XIAP: variants seen among roughly 807,000 people sequenced by gnomAD.
XIAP encodes X-linked inhibitor of apoptosis, also known as E3 ubiquitin-protein ligase XIAP.
Under a neutral mutation model 33.1 loss-of-function variants are expected in XIAP, and 3 were observed. The ratio of observed to expected loss-of-function variants is 0.09; its 90% confidence interval spans 0.04 to 0.23. The LOEUF is 0.23. Among genes scored for constraint, XIAP ranks in the 10% least tolerant of loss-of-function variants. The pLI is 1.00. For synonymous variants in XIAP, 98 were observed against 121.3 expected, an observed-to-expected ratio of 0.81 and a Z score of 1.26; for missense variants, 264 against 363.0, an observed-to-expected ratio of 0.73 and a Z score of 2.22.
intron 1 of XIAP, chrX:123,873,065 G>A (rs1485685276): frequency 2.8e-5 from 3 of 106,174 alleles, no homozygotes; most frequent in Non-Finnish European, 5.8e-5. Context: ...AAATTTCGCT[G>A]TTGTTGCCCA....
intron 1 of XIAP, among the ~76,000 whole-genome samples, chrX:123,865,431 A>G (rs2053125794): frequency 9.0e-6 from 1 of 111,151 alleles, no homozygotes; most frequent in Non-Finnish European, 1.9e-5. Context: ...TCAAAACATA[A>G]AAAGGGTATT....
At chrX:123,865,921 AT>A (rs766703100) in intron 1 of XIAP, among the ~76,000 whole-genome samples, 1,647 of 99,219 alleles carry the variant, frequency 0.017, 20 homozygotes, top group Non-Finnish European at 0.025. Context: ...CACCTGGCTA[AT>A]TTTTTTTTTT....
chrX:123,881,777 A>T lies in XIAP; in HGVS notation c.-32-3854A>T, dbSNP rs750258705. Among the ~76,000 whole-genome samples the T allele has an allele frequency of 1.7e-4, 18 of 103,634 alleles. No homozygotes were observed. The East Asian group carries it at 4.8e-3, about 28-fold the overall frequency. 90.0% of individuals were successfully genotyped at this position (103,634 alleles called of 115,157 possible). A position where few individuals can be genotyped will look rare whatever the true frequency, so the allele number is the denominator to read the frequency against. On this transcript the variant is annotated intron_variant, in intron 1 of 6. Coordinates refer to ENST00000371199, the MANE Select transcript of XIAP (RefSeq NM_001167.4). The stretch of plus-strand genomic sequence containing the variant: ...TTCTATTTTTTTTTTTTTTTTTGAG[A>T]CAGAGTCTCACTCTATCACCCAGGC...
At chrX:123,906,051 G>A (rs2053553594) in intron 6 of XIAP, among the ~76,000 whole-genome samples, 1 of 112,826 alleles carries the variant, frequency 8.9e-6, no homozygotes, top group African/African-American at 3.2e-5. Context: ...CAAAGGTATA[G>A]TTAAAATATG....
chrX:123,884,269 A>C (rs1401652112), intron 1 of XIAP, among the ~76,000 whole-genome samples: 1 of 111,725 alleles, frequency 9.0e-6, no homozygotes, highest in African/African-American at 3.3e-5. Flanking sequence ...AGATCACCTG[A>C]GGTCAGGAGT....
intron 1 of XIAP, among the ~76,000 whole-genome samples, chrX:123,883,541 G>T (rs1162042209): frequency 4.0e-5 from 4 of 100,076 alleles, no homozygotes; most frequent in Non-Finnish European, 8.0e-5. Flanking sequence ...TTGTTGCCCA[G>T]GCTGGAGTGC....
chrX:123,898,735 A>G lies in XIAP; in HGVS notation c.1100-1758A>G, dbSNP rs1196128182. On this transcript the variant is annotated intron_variant, in intron 5 of 6. Coordinates refer to ENST00000371199, the MANE Select transcript of XIAP (RefSeq NM_001167.4). ...GGTTTCAAACTCCAGGCCTCAAGGA[A>G]TCCCCCTTGGCCTCCCCAAAGTGCT... is the stretch of plus-strand genomic sequence containing the variant. 8.4e-5 allele frequency among the ~76,000 whole-genome samples: 9 copies of G among 106,721 alleles called. 1 individual carries two copies. Among genetic ancestry groups the G allele is most frequent in the Admixed American group, 5.1e-4 (5 of 9,824 alleles). 92.7% of individuals were successfully genotyped at this position (106,721 alleles called of 115,157 possible). A position where few individuals can be genotyped will look rare whatever the true frequency, so the allele number is the denominator to read the frequency against.
In XIAP at chrX:123,890,940, C is replaced by CA. The variant is rs150056280; in HGVS notation, c.978-283dup. Among the ~76,000 whole-genome samples the CA allele has an allele frequency of 4.7e-3, 364 of 78,057 alleles. 2 individuals are homozygous for CA. Among genetic ancestry groups the CA allele is most frequent in the African/African-American group, 0.011 (233 of 21,272 alleles). 67.8% of individuals were successfully genotyped at this position (78,057 alleles called of 115,157 possible). A position where few individuals can be genotyped will look rare whatever the true frequency, so the allele number is the denominator to read the frequency against. ...TGGGTGACAGAGCGAGACTCTGTCTCAAAAAAAAAAAAAAATAACAAAAGT... is the reference window on the plus strand; with the variant it reads ...TGGGTGACAGAGCGAGACTCTGTCTCAAAAAAAAAAAAAAAATAACAAAAGT... On this transcript the variant is annotated intron_variant, in intron 3 of 6. Transcript: ENST00000371199.
chrX:123,912,584 A>G lies in XIAP; in HGVS notation c.*5403A>G, dbSNP rs1247339867. 1.5e-5 allele frequency: 5 copies of G among 325,562 alleles called. No individual in the cohort carries two copies. Among genetic ancestry groups the G allele is most frequent in the Non-Finnish European group, 3.0e-5 (5 of 168,854 alleles). 26.8% of individuals were successfully genotyped at this position (325,562 alleles called of 1,213,427 possible). A position where few individuals can be genotyped will look rare whatever the true frequency, so the allele number is the denominator to read the frequency against. ...TGGGAGGCAGAGGCTGCATTGAGCT[A>G]TGATCATGGCACTGCATTCCAGCCT... On this transcript the variant is annotated 3_prime_UTR_variant, in exon 7 of 7. Coordinates refer to ENST00000371199, the MANE Select transcript of XIAP (RefSeq NM_001167.4).
intron 1 of XIAP, among the ~76,000 whole-genome samples, chrX:123,870,351 T>C (rs765425884): frequency 2.3e-4 from 26 of 112,075 alleles, no homozygotes; most frequent in African/African-American, 8.4e-4. Flanking sequence ...AAAATGAAAA[T>C]TAGTTTGTAG....
intron 3 of XIAP, among the ~76,000 whole-genome samples, chrX:123,889,997 A>AT (rs771503633): frequency 0.013 from 444 of 33,056 alleles, 134 homozygotes; most frequent in Non-Finnish European, 0.015. Context: ...AGTTGTTCAC[A>AT]TTTTTTTTTT....
At chrX:123,873,949 A>C (rs1046808678) in intron 1 of XIAP, 1 of 109,703 alleles carries the variant, frequency 9.1e-6, no homozygotes, top group East Asian at 2.9e-4. Context: ...AAAAAAAAAA[A>C]ACCTGGTGGG....
chrX:123,902,482 A>T (rs2148108765), intron 6 of XIAP, among the ~76,000 whole-genome samples: 1 of 112,094 alleles, frequency 8.9e-6, no homozygotes, highest in East Asian at 2.8e-4. Flanking sequence ...GATGGGGCTA[A>T]CTGAAGTGAA....
rs2053563498 is a variant in XIAP, at chrX:123,907,424, A to G, written c.*243A>G. On this transcript the variant is annotated 3_prime_UTR_variant, in exon 7 of 7. Transcript: ENST00000371199. ...ATTGAAACCATAGACTAAGAATAAG[A>G]AGCATCATACTATAACTGAACACAA... is the stretch of plus-strand genomic sequence containing the variant. 2.2e-6 allele frequency: 1 copy of G among 460,068 alleles called. No homozygotes were observed. 37.9% of individuals were successfully genotyped at this position (460,068 alleles called of 1,213,427 possible).
chrX:123,891,079 A>C (rs757852368), intron 3 of XIAP, among the ~76,000 whole-genome samples, 159 bp from the exon 4 acceptor site: 2 of 112,038 alleles, frequency 1.8e-5, no homozygotes, highest in Non-Finnish European at 3.8e-5. Flanking sequence ...TTAAAATGAC[A>C]GTGGGATAGG....
intron 5 of XIAP, among the ~76,000 whole-genome samples, chrX:123,895,522 A>C: frequency 8.9e-6 from 1 of 112,083 alleles, no homozygotes; most frequent in Admixed American, 9.6e-5. Flanking sequence ...TTGATAAACT[A>C]TCAGACAGAT....
intron 1 of XIAP, 118 bp from the exon 2 acceptor site, chrX:123,885,513 C>A: frequency 3.7e-6 from 2 of 537,500 alleles, no homozygotes; most frequent in Non-Finnish European, 5.9e-6. Flanking sequence ...TAGAATGTTT[C>A]TTAGCGGTCG....
chrX:123,899,182 TG>T, intron 5 of XIAP, among the ~76,000 whole-genome samples: 1 of 64,875 alleles, frequency 1.5e-5, no homozygotes, highest in Admixed American at 2.0e-4. Context: ...TATATATATA[TG>T]ATTTTATATA....
chrX:123,888,972 G>A (rs1438406285), intron 3 of XIAP, among the ~76,000 whole-genome samples: 1 of 110,359 alleles, frequency 9.1e-6, no homozygotes, highest in African/African-American at 3.3e-5. Context: ...AGGCTGGAGT[G>A]CAGTGGTGCA....
Sources: gnomAD v4.1 joint callset for allele counts (sites outside exome capture counted in the v4.1 genomes callset) on GRCh38, gnomAD v4.1.1 for gene constraint, MANE v1.5 for transcripts, NCBI Gene and HGNC (gene_info 2026-07-23, HGNC 2026-07-21) for gene names.